The following INTS14 variants were observed in gnomAD, a reference collection of about 807,000 sequenced individuals.
INTS14 encodes integrator complex subunit 14.
A neutral mutation model predicts 56.9 loss-of-function variants in INTS14; 27 were observed. That is an observed-to-expected ratio of 0.47 (90% CI 0.35 to 0.65). The LOEUF (loss-of-function observed/expected upper bound fraction) is 0.65. Among genes scored for constraint, INTS14 ranks in the 30% least tolerant of loss-of-function variants. The probability of loss-of-function intolerance (pLI) is 0.00; values close to 1 mark genes in which losing one functional copy is unlikely to be tolerated. For synonymous variants in INTS14, 207 were observed against 236.2 expected (o/e 0.88, Z 1.13); for missense variants, 517 against 632.2 (o/e 0.82, Z 1.95).
intron 9 of INTS14, among the ~76,000 whole-genome samples, chr15:65,586,256 T>A (rs971883500): frequency 6.6e-6 from 1 of 152,206 alleles, no homozygotes; most frequent in African/African-American, 2.4e-5. Flanking sequence ...CTTCTCTCTT[T>A]ATAGCAACTC....
intron 1 of INTS14, chr15:65,610,724 C>A: frequency 6.5e-7 from 1 of 1,535,694 alleles, no homozygotes; most frequent in Non-Finnish European, 8.7e-7. Context: ...GGGAGTCCCT[C>A]CCCAGTTCTC....
chr15:65,587,752 G>A (rs757364221), intron 9 of INTS14, among the ~76,000 whole-genome samples: 4 of 152,108 alleles, frequency 2.6e-5, no homozygotes, highest in Non-Finnish European at 5.9e-5. Context: ...AGGCTAAGGT[G>A]GAGGATTGCT....
rs753938973 is a variant in INTS14, at chr15:65,607,337, C to A, written c.44G>T (p.Arg15Leu). 6.2e-7 allele frequency: 1 copy of A among 1,614,060 alleles called. No homozygotes were observed. The highest frequency in any genetic ancestry group is 1.1e-5 in the South Asian group (1 of 91,074). ...VVMDVSLSMT[R>L]PVSIEGSEEY... ...CTCGGACCCCTCAATAGACACAGGT[C>A]GGGTCATGGAAAGGGATACATCCAT... Residue 15 changes from arginine (R) to leucine (L), a missense_variant, in exon 2 of 12, where the codon CGA (arginine) becomes CTA (leucine). Arg to Leu is a moderately radical substitution (Grantham distance 102). Coordinates refer to ENST00000313182, the MANE Select transcript of INTS14 (RefSeq NM_001394796.1).
chr15:65,605,012 T>C, intron 3 of INTS14, 117 bp downstream of exon 3: 1 of 752,764 alleles, frequency 1.3e-6, no homozygotes, highest in East Asian at 2.6e-5. Context: ...ATACCAATAG[T>C]GTAAAATGTA....
chr15:65,596,093 G>A (rs1323336564), intron 6 of INTS14, among the ~76,000 whole-genome samples: 1 of 152,194 alleles, frequency 6.6e-6, no homozygotes, highest in Non-Finnish European at 1.5e-5. Context: ...CCCAGCCAAG[G>A]CAAAAACTGA....
Position 65,599,704 on chromosome 15 carries a change from T to TA in INTS14, c.486+69dup, listed in dbSNP as rs554108493. 3.1e-5 allele frequency: 48 copies of TA among 1,527,382 alleles called. No homozygotes were observed. The East Asian group carries it at 1.1e-3, about 34-fold the overall frequency. 94.6% of individuals were successfully genotyped at this position (1,527,382 alleles called of 1,614,324 possible). ...AGTATATACAATATAGCACTAGTGG[T>TA]ATATACTGAAAAATAAACTAAGCTG... On this transcript the variant is annotated intron_variant, in intron 4 of 11. Transcript: ENST00000313182.
In INTS14 at chr15:65,584,866, G is replaced by A. The variant is rs911958695; in HGVS notation, c.1143C>T (p.Gly381=). 8 of 1,611,664 alleles carry A rather than the reference G, an allele frequency of 5.0e-6. No individual in the cohort carries two copies. The Admixed American group carries it at 5.0e-5, about 10-fold the overall frequency. Residue 381 remains glycine (G), a synonymous_variant, in exon 10 of 12, where the codon GGC becomes GGT. Transcript: ENST00000313182. The part of the protein sequence containing the change: ...PISDAKENPY[G]EDDNKSPFPL... ...GGAATGGACTCTTATTGTCATCCTCGCCATAAGGGTTTTCTTTAGCATCTT... is the reference window on the plus strand; with the variant it reads ...GGAATGGACTCTTATTGTCATCCTCACCATAAGGGTTTTCTTTAGCATCTT...
rs762756375 is a variant in INTS14, at chr15:65,579,137, C to G, written c.*271G>C. On this transcript the variant is annotated 3_prime_UTR_variant, in exon 12 of 12. Transcript: ENST00000313182. ...GGGTGCTCTATGCTCATCAGTCATT[C>G]AAGCTTCTCAGGAAATGTGCCCATC... 1 of 391,620 alleles carries G rather than the reference C, an allele frequency of 2.6e-6. No homozygotes were observed. The highest frequency in any genetic ancestry group is 4.6e-6 in the Non-Finnish European group (1 of 216,944). 24.3% of individuals were successfully genotyped at this position (391,620 alleles called of 1,614,324 possible).
At position 65,610,597 on chromosome 15, in the gene INTS14, G is replaced by A. The variant is rs2073880462; in HGVS notation, c.-63+501C>T. 3 of 1,410,098 alleles carry A rather than the reference G, an allele frequency of 2.1e-6. No individual in the cohort carries two copies. The East Asian group carries it at 7.4e-5, about 35-fold the overall frequency. 87.3% of individuals were successfully genotyped at this position (1,410,098 alleles called of 1,614,324 possible). A position where few individuals can be genotyped will look rare whatever the true frequency, so the allele number is the denominator to read the frequency against. ...AGCTAGACGTTTGTAATTCTTCCCT[G>A]AAGGTGATAATTAGCTCATTCATAA... On this transcript the variant is annotated intron_variant, in intron 1 of 11. Coordinates refer to ENST00000313182, the MANE Select transcript of INTS14 (RefSeq NM_001394796.1).
At chr15:65,600,167 C>T (rs747594831) in intron 3 of INTS14, among the ~76,000 whole-genome samples, 2 of 151,866 alleles carry the variant, frequency 1.3e-5, no homozygotes, top group Non-Finnish European at 2.9e-5. Context: ...AAAAATTAGC[C>T]AGGAGTGGTG....
intron 8 of INTS14, 59 bp from the exon 9 acceptor site, chr15:65,591,790 A>G (rs747967445): frequency 1.6e-5 from 25 of 1,585,094 alleles, no homozygotes; most frequent in Non-Finnish European, 2.0e-5. Context: ...GTCAAGTTAA[A>G]TAAGTCTAGC....
chr15:65,592,578 G>A (rs983635422), intron 8 of INTS14, among the ~76,000 whole-genome samples: 1 of 152,078 alleles, frequency 6.6e-6, no homozygotes, highest in African/African-American at 2.4e-5. Flanking sequence ...TGTGACCTTG[G>A]GCAAGTTCCA....
chr15:65,592,253 G>C (rs1300514188), intron 8 of INTS14, among the ~76,000 whole-genome samples: 2 of 152,230 alleles, frequency 1.3e-5, no homozygotes, highest in Non-Finnish European at 2.9e-5. Context: ...TATCTAGTAA[G>C]ATCTGCATTC....
intron 1 of INTS14, among the ~76,000 whole-genome samples, chr15:65,608,165 C>T (rs2073722301): frequency 6.6e-6 from 1 of 152,030 alleles, no homozygotes; most frequent in Non-Finnish European, 1.5e-5. Context: ...CTCTTGAGGT[C>T]AGGAGTTCGA....
intron 3 of INTS14, among the ~76,000 whole-genome samples, chr15:65,604,366 G>A (rs2073562402): frequency 6.6e-6 from 1 of 152,158 alleles, no homozygotes; most frequent in African/African-American, 2.4e-5. Flanking sequence ...ATAGGCATGA[G>A]CCACCGCGCC....
intron 11 of INTS14, among the ~76,000 whole-genome samples, chr15:65,579,966 A>C (rs888751209): frequency 2.0e-5 from 3 of 152,152 alleles, no homozygotes; most frequent in African/African-American, 7.2e-5. Context: ...CGTTACTCCT[A>C]ACTTTAAGGA....
intron 3 of INTS14, among the ~76,000 whole-genome samples, chr15:65,602,824 C>A (rs567478069): frequency 5.5e-4 from 83 of 152,278 alleles, no homozygotes; most frequent in African/African-American, 1.9e-3. Context: ...TGCGCCACCA[C>A]GTCTGGCTAA....
Position 65,611,103 on chromosome 15 carries a change from G to C in INTS14, c.-68C>G. 2 of 1,535,752 alleles carry C rather than the reference G, an allele frequency of 1.3e-6. No individual in the cohort carries two copies. The highest frequency in any genetic ancestry group is 8.7e-7 in the Non-Finnish European group (1 of 1,146,620). On this transcript the variant is annotated 5_prime_UTR_variant, in exon 1 of 12. Transcript: ENST00000313182. ...CCCTCGGCCTCCCCACTCACCCCGT[G>C]CCCATCGCCGGACACAGTCCGTCGG...
chr15:65,599,020 T>C (rs1596257752), intron 4 of INTS14, 30 bp from the exon 5 acceptor site: 2 of 1,545,212 alleles, frequency 1.3e-6, no homozygotes, highest in East Asian at 2.3e-5. Flanking sequence ...ACCCTTAAAG[T>C]GGCTGGCACA....
Sources: allele counts gnomAD v4.1 joint callset (sites outside exome capture counted in the v4.1 genomes callset), GRCh38; gene constraint gnomAD v4.1.1; transcripts MANE v1.5; gene names NCBI Gene and HGNC (gene_info 2026-07-23, HGNC 2026-07-21).